Variants in MAL observed in about 807,000 individuals in gnomAD.
MAL encodes myelin and lymphocyte protein.
A neutral mutation model predicts 16.7 loss-of-function variants in MAL; 5 were observed. The ratio of observed to expected loss-of-function variants is 0.30; its 90% CI spans 0.16 to 0.63. The LOEUF (loss-of-function observed/expected upper bound fraction) is 0.63. MAL is among the 30% of genes least tolerant of loss of function. MAL has a pLI of 0.82. For missense variants in MAL, 202 were observed against 195.8 expected, an observed-to-expected ratio of 1.03 and a Z score of -0.19; for synonymous variants, 96 against 85.5, an observed-to-expected ratio of 1.12 and a Z score of -0.67.
At chr2:95,049,448 G>A in intron 2 of MAL, 133 bp from the exon 3 acceptor site, 1 of 1,184,520 alleles carries the variant, frequency 8.4e-7, no homozygotes, top group South Asian at 1.5e-5. Flanking sequence ...GGACCTCCGT[G>A]ACAAGGTTGG....
chr2:95,037,779 A>AC (rs897550314), intron 1 of MAL, among the ~76,000 whole-genome samples: 1 of 151,152 alleles, frequency 6.6e-6, no homozygotes, highest in African/African-American at 2.4e-5. Flanking sequence ...TGAGTGAGTG[A>AC]CTGAGTGACT....
At chr2:95,043,418 T>C (rs547942545) in intron 1 of MAL, among the ~76,000 whole-genome samples, 1 of 152,290 alleles carries the variant, frequency 6.6e-6, no homozygotes, top group South Asian at 2.1e-4. Context: ...GCCCCCAGTG[T>C]GGGGAGACTG....
intron 1 of MAL, among the ~76,000 whole-genome samples, chr2:95,038,467 GGTGA>G (rs1458579604): frequency 1.3e-4 from 7 of 52,560 alleles, no homozygotes; most frequent in Non-Finnish European, 2.8e-4. Context: ...TGACTGAGTG[GGTGA>G]GTGAGTGACT....
At chr2:95,042,211 C>T (rs560290782) in intron 1 of MAL, among the ~76,000 whole-genome samples, 5 of 152,172 alleles carry the variant, frequency 3.3e-5, no homozygotes, top group Non-Finnish European at 5.9e-5. Context: ...GGGGGGCAGT[C>T]GGCTGGCATC....
chr2:95,025,753 G>C lies in MAL; in HGVS notation c.-40G>C. On this transcript the variant is annotated 5_prime_UTR_variant, in exon 1 of 4. Transcript: ENST00000309988. The surrounding 1 kb of genome is among the most constrained non-coding windows in gnomAD (Gnocchi z 5.6). ...CGAGAGGTCTGCGCGGAGTCTGAGCGGCGCTCGTCCCGTCCCAAGGCCGAC... is the reference window on the plus strand; with the variant it reads ...CGAGAGGTCTGCGCGGAGTCTGAGCCGCGCTCGTCCCGTCCCAAGGCCGAC... 2 of 1,410,160 alleles carry C rather than the reference G, an allele frequency of 1.4e-6. No individual in the cohort carries two copies. Among genetic ancestry groups the C allele is most frequent in the Non-Finnish European group, 1.9e-6 (2 of 1,050,800 alleles). 87.4% of individuals were successfully genotyped at this position (1,410,160 alleles called of 1,614,324 possible).
intron 1 of MAL, chr2:95,044,172 A>G (rs1240430064): frequency 6.6e-6 from 1 of 152,272 alleles, no homozygotes. Context: ...ACAAAAGTCC[A>G]TATGTTGAAT....
chr2:95,053,613 G>T lies in MAL; in HGVS notation c.*158G>T, dbSNP rs1302161142. 1.8e-5 allele frequency: 11 copies of T among 627,696 alleles called. No individual in the cohort carries two copies. The highest frequency in any genetic ancestry group is 2.8e-5 in the Non-Finnish European group (10 of 359,726). The allele number at this position is 627,696 out of a possible 1,614,324, so 38.9% of individuals were successfully genotyped here. A position where few individuals can be genotyped will look rare whatever the true frequency, so the allele number is the denominator to read the frequency against. On this transcript the variant is annotated 3_prime_UTR_variant, in exon 4 of 4. Transcript: ENST00000309988. Reference sequence around the variant, plus strand: ...AAAAAAAAGCCCTGCCCTGTTGCTCGTGGGTGCTGTGTTTACTCTCCCGTG... The same window carrying T: ...AAAAAAAAGCCCTGCCCTGTTGCTCTTGGGTGCTGTGTTTACTCTCCCGTG...
At chr2:95,037,011 T>G (rs1421371047) in intron 1 of MAL, among the ~76,000 whole-genome samples, 251 of 47,508 alleles carry the variant, frequency 5.3e-3, no homozygotes, top group Middle Eastern at 0.015. Flanking sequence ...GTGACTGAGT[T>G]ACTGAGTGAG....
intron 1 of MAL, among the ~76,000 whole-genome samples, chr2:95,036,048 C>T (rs1331456748): frequency 6.6e-6 from 1 of 152,166 alleles, no homozygotes; most frequent in Non-Finnish European, 1.5e-5. Flanking sequence ...CCTGCTCTTG[C>T]CTTCAGATTA....
At chr2:95,049,815 G>T in intron 3 of MAL, 109 bp downstream of exon 3, 1 of 1,470,572 alleles carries the variant, frequency 6.8e-7, no homozygotes, top group Non-Finnish European at 9.3e-7. Flanking sequence ...ACTAACTTTT[G>T]AGTGAGGTCA....
intron 3 of MAL, among the ~76,000 whole-genome samples, chr2:95,050,190 T>C (rs1306767266): frequency 6.6e-6 from 1 of 152,200 alleles, no homozygotes; most frequent in Admixed American, 6.5e-5. Flanking sequence ...TCTGACCTCA[T>C]GGGTCTCCTG....
chr2:95,041,814 AT>A (rs530367660), intron 1 of MAL, among the ~76,000 whole-genome samples: 10 of 150,906 alleles, frequency 6.6e-5, no homozygotes, highest in Non-Finnish European at 1.0e-4. Context: ...TTCCTGACAG[AT>A]TTTTTTTTTC....
intron 1 of MAL, among the ~76,000 whole-genome samples, chr2:95,030,068 C>T (rs1366393517): frequency 2.0e-5 from 3 of 152,136 alleles, no homozygotes; most frequent in South Asian, 4.1e-4. Flanking sequence ...CCGGGTGGAG[C>T]GCCACTTCCA....
chr2:95,047,115 A>G (rs1674609073), intron 1 of MAL, among the ~76,000 whole-genome samples: 1 of 152,210 alleles, frequency 6.6e-6, no homozygotes, highest in Non-Finnish European at 1.5e-5. Flanking sequence ...TAAAGACCAA[A>G]AAGATCTGCT....
At chr2:95,029,489 G>A (rs770734682) in intron 1 of MAL, among the ~76,000 whole-genome samples, 12 of 152,232 alleles carry the variant, frequency 7.9e-5, no homozygotes, top group Non-Finnish European at 1.8e-4. Context: ...TCTGTTAATA[G>A]ACACTTTGGA....
At chr2:95,039,163 G>T (rs1485416000) in intron 1 of MAL, among the ~76,000 whole-genome samples, 12 of 73,358 alleles carry the variant, frequency 1.6e-4, no homozygotes, top group South Asian at 9.8e-4. Context: ...TGACTGAATG[G>T]GTGAGTGAGT....
At chr2:95,051,551 C>G (rs1190275298) in intron 3 of MAL, 2 of 152,352 alleles carry the variant, frequency 1.3e-5, no homozygotes. Flanking sequence ...TTCTCTCACC[C>G]TTGTGTTTGT....
Position 95,053,571 on chromosome 2 carries a change from A to T in MAL, c.*116A>T. ...TGATGGTGGAAAAAAGAAAACAACC[A>T]CCCCCCCACTGCCCAAAAAAAAAAG... On this transcript the variant is annotated 3_prime_UTR_variant, in exon 4 of 4. Coordinates refer to ENST00000309988, the MANE Select transcript of MAL (RefSeq NM_002371.4). 7 of 581,196 alleles carry T rather than the reference A, an allele frequency of 1.2e-5. No individual in the cohort carries two copies. The highest frequency in any genetic ancestry group is 3.3e-5 in the South Asian group (1 of 30,562). The allele number at this position is 581,196 out of a possible 1,614,324, so 36.0% of individuals were successfully genotyped here.
intron 2 of MAL, 152 bp from the exon 3 acceptor site, chr2:95,049,429 G>A: frequency 1.0e-6 from 1 of 968,310 alleles, no homozygotes; most frequent in Non-Finnish European, 1.5e-6. Flanking sequence ...GCACAGCAGG[G>A]CAGGCATGGG....
Sources: allele counts gnomAD v4.1 joint callset (sites outside exome capture counted in the v4.1 genomes callset), GRCh38; gene constraint gnomAD v4.1.1; non-coding constraint Gnocchi (gnomAD v3.1); transcripts MANE v1.5; gene names NCBI Gene and HGNC (gene_info 2026-07-23, HGNC 2026-07-21).